KALRN: variants seen among roughly 807,000 people sequenced by gnomAD.
KALRN encodes the protein kalirin RhoGEF kinase, also known as kalirin.
Under a neutral mutation model 353.7 loss-of-function variants are expected in KALRN, and 70 were observed. The ratio of observed to expected loss-of-function variants is 0.20; its 90% CI spans 0.16 to 0.24. The LOEUF (loss-of-function observed/expected upper bound fraction) is 0.24, where lower values mean the gene tolerates loss of function less well. Among genes scored for constraint, KALRN ranks in the 10% least tolerant of loss-of-function variants. The probability of loss-of-function intolerance (pLI) is 1.00; values close to 1 mark genes in which losing one functional copy is unlikely to be tolerated. For synonymous variants in KALRN, 1,391 were observed against 1,434.8 expected, an observed-to-expected ratio of 0.97 and a Z score of 0.69; for missense variants, 2,791 against 3,756.7, an observed-to-expected ratio of 0.74 and a Z score of 6.72.
At chr3:124,620,655 C>T (rs747771621) in intron 34 of KALRN, among the ~76,000 whole-genome samples, 17 of 152,194 alleles carry the variant, frequency 1.1e-4, no homozygotes, top group Admixed American at 2.0e-4. Flanking sequence ...AGAATTTTCT[C>T]GCCTTTAACT....
At chr3:124,255,420 C>G (rs1358503619) in intron 3 of KALRN, among the ~76,000 whole-genome samples, 2 of 152,148 alleles carry the variant, frequency 1.3e-5, no homozygotes, top group Non-Finnish European at 1.5e-5. Context: ...ATGTTTCTGT[C>G]TTGTCCACAT....
chr3:124,246,326 G>A (rs1297449478), intron 3 of KALRN, among the ~76,000 whole-genome samples: 1 of 152,232 alleles, frequency 6.6e-6, no homozygotes, highest in Non-Finnish European at 1.5e-5. Flanking sequence ...AAGACTAAAG[G>A]GATTGGTCAC....
chr3:124,035,552 C>T (rs2039338701), intron 1 of KALRN, among the ~76,000 whole-genome samples: 1 of 152,194 alleles, frequency 6.6e-6, no homozygotes, highest in Non-Finnish European at 1.5e-5. Context: ...CTCCTCTTTC[C>T]CCTTTCCTAT....
chr3:124,717,875 G>A (rs763031231), intron 59 of KALRN, among the ~76,000 whole-genome samples: 12 of 151,762 alleles, frequency 7.9e-5, no homozygotes, highest in East Asian at 2.0e-4. Context: ...GCAGTGGTGC[G>A]ATCTCGGCTC....
At chr3:124,388,171 A>G (rs995061575) in intron 11 of KALRN, among the ~76,000 whole-genome samples, 1 of 151,980 alleles carries the variant, frequency 6.6e-6, no homozygotes, top group Non-Finnish European at 1.5e-5. Context: ...ATTACTCTTA[A>G]TCTCTGTTGC....
At chr3:124,278,867 T>G (rs2149018977) in intron 5 of KALRN, among the ~76,000 whole-genome samples, 1 of 152,274 alleles carries the variant, frequency 6.6e-6, no homozygotes, top group East Asian at 1.9e-4. Flanking sequence ...AGTCTCTGTT[T>G]GGGGTAGGAA....
chr3:124,430,781 A>G lies in KALRN; in HGVS notation c.2829+6A>G, dbSNP rs181884554. ...AGTTCCAACTGGCCATCGAGGTAAC[A>G]CCCAAATCTGGCTGCACTGTCCTCC... is the stretch of plus-strand genomic sequence containing the variant. On this transcript the variant is annotated splice_donor_region_variant and intron_variant, in intron 16 of 59. Transcript: ENST00000682506. 8.7e-6 allele frequency: 14 copies of G among 1,613,408 alleles called. No homozygotes were observed. In the African/African-American group the frequency reaches 1.3e-4, roughly 15 times the overall value.
At chr3:124,368,308 G>A (rs1311326913) in intron 10 of KALRN, among the ~76,000 whole-genome samples, 1 of 148,250 alleles carries the variant, frequency 6.7e-6, no homozygotes, top group Non-Finnish European at 1.5e-5. Context: ...TCCCAGATGG[G>A]GTGGCTGCCG....
Position 124,685,115 on chromosome 3 carries a change from T to C in KALRN, c.7377+5598T>C, listed in dbSNP as rs548333630. ...GTTCCGCATTTTATAAAAAGAATTTTTTCATGAAAAGAACCCTTTGGATGA... is the reference window on the plus strand; with the variant it reads ...GTTCCGCATTTTATAAAAAGAATTTCTTCATGAAAAGAACCCTTTGGATGA... On this transcript the variant is annotated intron_variant, in intron 51 of 59. Transcript: ENST00000682506. 3.9e-5 allele frequency among the ~76,000 whole-genome samples: 6 copies of C among 152,340 alleles called. No homozygotes were observed. The South Asian group carries it at 1.2e-3, about 32-fold the overall frequency.
intron 1 of KALRN, among the ~76,000 whole-genome samples, chr3:124,197,732 A>G (rs1233674610): frequency 6.6e-6 from 1 of 152,220 alleles, no homozygotes; most frequent in African/African-American, 2.4e-5. Flanking sequence ...CACAGACCCT[A>G]TACTGCTGTG....
Position 124,422,780 on chromosome 3 carries a change from G to A in KALRN, c.2543-32G>A, listed in dbSNP as rs755213506. ...AATGTAGCCTTCACAGTACTAGCTG[G>A]TTTTTAATTGTTTCCATTTTTTTAA... is the stretch of plus-strand genomic sequence containing the variant. On this transcript the variant is annotated intron_variant, in intron 14 of 59. Transcript: ENST00000682506. The A allele has an allele frequency of 1.1e-5, 18 of 1,596,794 alleles. 1 individual carries two copies. The Admixed American group carries it at 1.3e-4, about 12-fold the overall frequency.
intron 36 of KALRN, among the ~76,000 whole-genome samples, chr3:124,634,387 C>A (rs1187703707): frequency 6.6e-6 from 1 of 152,166 alleles, no homozygotes; most frequent in East Asian, 1.9e-4. Flanking sequence ...CAGTGTTGGT[C>A]AAATTTTGCA....
intron 1 of KALRN, among the ~76,000 whole-genome samples, chr3:124,034,063 G>A (rs1275988028): frequency 6.6e-6 from 1 of 151,874 alleles, no homozygotes; most frequent in African/African-American, 2.4e-5. Flanking sequence ...TCTGTGTTGG[G>A]GAGGTGGGAG....
At chr3:124,647,234 A>G (rs1476676208) in intron 37 of KALRN, among the ~76,000 whole-genome samples, 2 of 152,076 alleles carry the variant, frequency 1.3e-5, no homozygotes, top group African/African-American at 4.8e-5. Context: ...TACCATGCAG[A>G]CAGGTTCCTT....
chr3:124,713,321 A>G (rs2062981305), intron 58 of KALRN, among the ~76,000 whole-genome samples, 186 bp downstream of exon 58: 1 of 152,218 alleles, frequency 6.6e-6, no homozygotes, highest in African/African-American at 2.4e-5. Context: ...TTAAAAAATC[A>G]TAATAGGAAT....
chr3:124,222,370 T>C lies in KALRN; in HGVS notation c.74-5620T>C, dbSNP rs2078013038. 3.3e-5 allele frequency among the ~76,000 whole-genome samples: 5 copies of C among 152,230 alleles called. No individual in the cohort carries two copies. In the South Asian group the frequency reaches 8.3e-4, roughly 25 times the overall value. ...ATTTGAATAATAGATGATTATAGGG[T>C]AATGGCTGAATCTCTGGAATCTCTG... is the stretch of plus-strand genomic sequence containing the variant. On this transcript the variant is annotated intron_variant, in intron 1 of 59. Coordinates refer to ENST00000682506, the MANE Select transcript of KALRN (RefSeq NM_001388419.1).
intron 12 of KALRN, among the ~76,000 whole-genome samples, chr3:124,397,269 T>C (rs1361514465): frequency 2.0e-5 from 3 of 152,068 alleles, no homozygotes; most frequent in Admixed American, 2.0e-4. Context: ...GTCCGTGCAG[T>C]TGTGGGAGTA....
chr3:124,679,658 A>G (rs755818157), intron 51 of KALRN, 141 bp downstream of exon 51: 5 of 791,890 alleles, frequency 6.3e-6, no homozygotes, highest in Non-Finnish European at 9.1e-6. Context: ...CATCCCAGCT[A>G]TAAAAGAAAC....
chr3:124,561,059 T>A (rs775833955), intron 33 of KALRN, among the ~76,000 whole-genome samples: 1 of 152,190 alleles, frequency 6.6e-6, no homozygotes, highest in Non-Finnish European at 1.5e-5. Flanking sequence ...AATTTCCTGA[T>A]GTATGAGATG....
Sources: allele counts gnomAD v4.1 joint callset (sites outside exome capture counted in the v4.1 genomes callset), GRCh38; gene constraint gnomAD v4.1.1; transcripts MANE v1.5; gene names NCBI Gene and HGNC (gene_info 2026-07-23, HGNC 2026-07-21).